The following C1QTNF2 variants were observed in gnomAD, a reference collection of about 807,000 sequenced individuals.
The protein encoded by C1QTNF2 is complement C1q tumor necrosis factor-related protein 2.
Under a neutral mutation model 17.4 loss-of-function variants are expected in C1QTNF2, and 15 were observed. That is an observed-to-expected ratio of 0.86 (90% CI 0.58 to 1.33). The LOEUF (loss-of-function observed/expected upper bound fraction) is 1.33, where lower values mean the gene tolerates loss of function less well. C1QTNF2 is among the 40% of genes most tolerant of loss of function. C1QTNF2 has a pLI of 0.00. For synonymous variants in C1QTNF2, 154 were observed against 163.3 expected (o/e 0.94, Z 0.44); for missense variants, 381 against 392.3 (o/e 0.97, Z 0.24).
chr5:160,365,698 A>C (rs1230671959), intron 1 of C1QTNF2, among the ~76,000 whole-genome samples: 1 of 152,188 alleles, frequency 6.6e-6, no homozygotes, highest in Non-Finnish European at 1.5e-5. Flanking sequence ...TAATCTCTCT[A>C]GGCCTCAGTT....
At chr5:160,355,275 A>T in intron 1 of C1QTNF2, 1 of 984,358 alleles carries the variant, frequency 1.0e-6, no homozygotes, top group Non-Finnish European at 1.2e-6. Context: ...TCATCATCAG[A>T]CCATCATCTT....
At chr5:160,359,928 C>CGGCT (rs1453426833) in intron 1 of C1QTNF2, among the ~76,000 whole-genome samples, 1 of 152,220 alleles carries the variant, frequency 6.6e-6, no homozygotes, top group African/African-American at 2.4e-5. Context: ...CTGGCTCCCT[C>CGGCT]GGCTCCTCTG....
chr5:160,354,344 G>A (rs1269162451), intron 2 of C1QTNF2, among the ~76,000 whole-genome samples: 1 of 151,868 alleles, frequency 6.6e-6, no homozygotes, highest in Non-Finnish European at 1.5e-5. Context: ...TTGGAAGGGC[G>A]AGGTAGATGG....
At chr5:160,356,380 C>A (rs1764051117) in intron 1 of C1QTNF2, among the ~76,000 whole-genome samples, 1 of 152,244 alleles carries the variant, frequency 6.6e-6, no homozygotes, top group Non-Finnish European at 1.5e-5. Context: ...GCGCATCACA[C>A]TCACCTCGAG....
chr5:160,352,518 A>C lies in C1QTNF2; in HGVS notation c.244+2250T>G, dbSNP rs182573016. Among the ~76,000 whole-genome samples the C allele has an allele frequency of 3.6e-4, 55 of 152,312 alleles. 2 individuals are homozygous for C. In the East Asian group the frequency reaches 0.01, roughly 28 times the overall value. On this transcript the variant is annotated intron_variant, in intron 2 of 2. Coordinates refer to ENST00000652664, the MANE Select transcript of C1QTNF2 (RefSeq NM_031908.6). ...TTCCTTCTCTGCAGAGACTCAACAC[A>C]CAGCAGAACAGATGGCCAAAGGCAG... is the stretch of plus-strand genomic sequence containing the variant.
intron 2 of C1QTNF2, among the ~76,000 whole-genome samples, 163 bp downstream of exon 2, chr5:160,354,592 AAAAAAGTATATAT>A (rs1581034074): frequency 2.2e-5 from 1 of 46,470 alleles, no homozygotes; most frequent in East Asian, 7.8e-4. Context: ...GGGAAAAAAA[AAAAAAGTATATAT>A]ATATATATAT....
At chr5:160,370,020 G>A (rs954625640) in intron 1 of C1QTNF2, among the ~76,000 whole-genome samples, 1 of 152,194 alleles carries the variant, frequency 6.6e-6, no homozygotes, top group Non-Finnish European at 1.5e-5. Flanking sequence ...AATGCATTCA[G>A]TAAATGTTAA....
At chr5:160,363,189 A>G (rs79799031) in intron 1 of C1QTNF2, among the ~76,000 whole-genome samples, 4,096 of 152,286 alleles carry the variant, frequency 0.027, 192 homozygotes, top group East Asian at 0.21. Flanking sequence ...TACTATAATA[A>G]AAAACACTCC....
At chr5:160,358,655 G>T (rs1005905076) in intron 1 of C1QTNF2, among the ~76,000 whole-genome samples, 3 of 152,064 alleles carry the variant, frequency 2.0e-5, no homozygotes, top group African/African-American at 7.2e-5. Flanking sequence ...AATACATTTA[G>T]AATCAAGAAC....
Position 160,354,830 on chromosome 5 carries a change from C to T in C1QTNF2, c.182G>A (p.Gly61Asp). Residue 61 changes from glycine (G) to aspartate (D), a missense_variant, in exon 2 of 3, where the codon GGC becomes GAC. Gly to Asp is a moderately conservative substitution (Grantham distance 94). Transcript: ENST00000652664. ...PGPSGMMGRM[G>D]FPGKDGQDGH... ...ATCTTGGCCGTCTTTGCCAGGAAAG[C>T]CCATTCGTCCCATCATTCCTGAGGG... is the stretch of plus-strand genomic sequence containing the variant. 1.2e-6 allele frequency: 2 copies of T among 1,613,280 alleles called. No individual in the cohort carries two copies. The highest frequency in any genetic ancestry group is 1.7e-6 in the Non-Finnish European group (2 of 1,179,842).
chr5:160,368,361 G>A (rs1431106848), intron 1 of C1QTNF2, among the ~76,000 whole-genome samples: 2 of 151,824 alleles, frequency 1.3e-5, no homozygotes, highest in Admixed American at 6.6e-5. Context: ...GTGAAACCCC[G>A]TCTCTACTAA....
At chr5:160,365,235 T>TGG (rs1764225068) in intron 1 of C1QTNF2, among the ~76,000 whole-genome samples, 1 of 152,148 alleles carries the variant, frequency 6.6e-6, no homozygotes, top group Admixed American at 6.5e-5. Context: ...CAACAATCCC[T>TGG]GGGAATGACA....
chr5:160,349,473 CG>C lies in C1QTNF2; in HGVS notation c.552del (p.Ser184ArgfsTer91). 6.2e-7 allele frequency: 1 copy of C among 1,614,054 alleles called. No homozygotes were observed. The highest frequency in any genetic ancestry group is 1.3e-5 in the African/African-American group (1 of 75,042). On this transcript the variant is annotated frameshift_variant, in exon 3 of 3. Transcript: ENST00000652664. LOFTEE classifies it high-confidence loss of function. The surrounding 1 kb of genome is among the most constrained non-coding windows in gnomAD (Gnocchi z 4.3). The part of the protein sequence containing the change: ...MNEGGHYNAS[S>X]GKFVCGVPGI... ...CCAGGCACGCCGCAGACGAACTTGCCGCTGGAAGCATTGTAGTGGCCACCCT... is the reference window on the plus strand; with the variant it reads ...CCAGGCACGCCGCAGACGAACTTGCCCTGGAAGCATTGTAGTGGCCACCCT...
chr5:160,362,850 A>G (rs1461427070), intron 1 of C1QTNF2, among the ~76,000 whole-genome samples: 1 of 152,206 alleles, frequency 6.6e-6, no homozygotes, highest in Non-Finnish European at 1.5e-5. Context: ...CCTCACCTGT[A>G]AAATGGAGAT....
At position 160,349,429 on chromosome 5, in the gene C1QTNF2, G is replaced by A. The variant is rs777536132; in HGVS notation, c.597C>T (p.Tyr199=). The change falls in exon 3 of 3, where the codon TAC becomes TAT. Residue 199 remains tyrosine, a synonymous_variant. Coordinates refer to ENST00000652664, the MANE Select transcript of C1QTNF2 (RefSeq NM_031908.6). This position sits in a 1 kb window ranked among gnomAD's most constrained non-coding sequence, Gnocchi z 4.3. The stretch of plus-strand genomic sequence containing the variant: ...GGTGCTTGTTGGCCAGCGTGATGTC[G>A]TAGGTGAAGTAGTAGATCCCAGGCA... The part of the protein sequence containing the change: ...CGVPGIYYFT[Y]DITLANKHLA... 1.1e-5 allele frequency: 18 copies of A among 1,613,940 alleles called. No individual in the cohort carries two copies. Among genetic ancestry groups the A allele is most frequent in the Admixed American group, 3.3e-5 (2 of 60,006 alleles).
Position 160,355,112 on chromosome 5 carries a change from G to A in C1QTNF2, c.-9-92C>T, listed in dbSNP as rs115414453. The A allele has an allele frequency of 1.8e-3, 2,532 of 1,436,444 alleles. 37 individuals are homozygous for A. The African/African-American group carries it at 0.032, about 18-fold the overall frequency. The allele number at this position is 1,436,444 out of a possible 1,614,324, so 89.0% of individuals were successfully genotyped here. A position where few individuals can be genotyped will look rare whatever the true frequency, so the allele number is the denominator to read the frequency against. ...GGGATGCACAGGAGGAGGCAGCTGG[G>A]ATACACTCAGTTGGATTTCTGTCTC... On this transcript the variant is annotated intron_variant, in intron 1 of 2. Coordinates refer to ENST00000652664, the MANE Select transcript of C1QTNF2 (RefSeq NM_031908.6).
chr5:160,349,204 T>C lies in C1QTNF2; in HGVS notation c.822A>G (p.Leu274=). 6.2e-7 allele frequency: 1 copy of C among 1,613,870 alleles called. No individual in the cohort carries two copies. Among genetic ancestry groups the C allele is most frequent in the Non-Finnish European group, 8.5e-7 (1 of 1,179,952 alleles). The part of the protein sequence containing the change: ...YWTDSLFTGF[L]IYADQDDPNE... ...TGGGGTCATCCTGGTCGGCATAGAT[T>C]AGGAAGCCCGTAAAGAGGCTGTCTG... Residue 274 remains leucine (L), a synonymous_variant, in exon 3 of 3, where the codon CTA becomes CTG. Coordinates refer to ENST00000652664, the MANE Select transcript of C1QTNF2 (RefSeq NM_031908.6). This position sits in a 1 kb window ranked among gnomAD's most constrained non-coding sequence, Gnocchi z 4.3.
chr5:160,357,061 G>T (rs898072486), intron 1 of C1QTNF2, among the ~76,000 whole-genome samples: 4 of 152,184 alleles, frequency 2.6e-5, no homozygotes, highest in Non-Finnish European at 4.4e-5. Context: ...TTAAATGTCT[G>T]CCAGGCACAG....
intron 2 of C1QTNF2, among the ~76,000 whole-genome samples, chr5:160,351,408 G>A (rs759219443): frequency 6.6e-6 from 1 of 152,152 alleles, no homozygotes. Context: ...ATCCTAACAA[G>A]TTACTTTGTT....
Sources: allele counts gnomAD v4.1 joint callset (sites outside exome capture counted in the v4.1 genomes callset), GRCh38; gene constraint gnomAD v4.1.1; non-coding constraint Gnocchi (gnomAD v3.1); transcripts MANE v1.5; gene names NCBI Gene and HGNC (gene_info 2026-07-23, HGNC 2026-07-21).